MPDZ: variants seen among roughly 807,000 people sequenced by gnomAD.
MPDZ encodes the protein multiple PDZ domain crumbs cell polarity complex component.
In MPDZ, 234 loss-of-function variants were observed where a neutral mutation model predicts 239.1. That is an observed-to-expected ratio of 0.98 (90% CI 0.88 to 1.09). MPDZ has a LOEUF of 1.09. Among genes scored for constraint, MPDZ ranks in the 50% least tolerant of loss-of-function variants. The probability of loss-of-function intolerance (pLI) is 0.00; values close to 1 mark genes in which losing one functional copy is unlikely to be tolerated. For synonymous variants in MPDZ, 1,048 were observed against 881.3 expected (o/e 1.19, Z -3.35); for missense variants, 3,175 against 2,510.0 (o/e 1.26, Z -5.66).
At chr9:13,162,346 T>C (rs558184770) in intron 23 of MPDZ, among the ~76,000 whole-genome samples, 1 of 151,958 alleles carries the variant, frequency 6.6e-6, no homozygotes, top group East Asian at 1.9e-4. Flanking sequence ...AGTTTGCTAA[T>C]ATTAAAAGAG....
rs377489960 is a variant in MPDZ, at chr9:13,138,119, G to A, written c.4038C>T (p.Gly1346=). The change falls in exon 29 of 47, where the codon GGC becomes GGT. Residue 1346 remains glycine, a synonymous_variant. Transcript: ENST00000319217. ...NIRERYGTLT[G]ELHMIELEKG... ...TCTCCAGTTCAATCATATGCAGCTC[G>A]CCTGTTAGGGTTCCATAACGCTCTC... 13 of 1,601,434 alleles carry A rather than the reference G, an allele frequency of 8.1e-6. No homozygotes were observed. Among genetic ancestry groups the A allele is most frequent in the Admixed American group, 3.4e-5 (2 of 58,400 alleles).
chr9:13,246,658 T>C (rs959008875), intron 3 of MPDZ, among the ~76,000 whole-genome samples: 2 of 152,188 alleles, frequency 1.3e-5, no homozygotes, highest in South Asian at 2.1e-4. Flanking sequence ...TTAAACAAAT[T>C]CATTCTCTCT....
intron 39 of MPDZ, among the ~76,000 whole-genome samples, chr9:13,119,080 A>G (rs1054049131): frequency 2.0e-5 from 3 of 152,210 alleles, no homozygotes; most frequent in Non-Finnish European, 4.4e-5. Context: ...CATAAATGAT[A>G]AAATCTTTTC....
intron 1 of MPDZ, among the ~76,000 whole-genome samples, chr9:13,254,120 G>A (rs1968815566): frequency 6.6e-6 from 1 of 152,116 alleles, no homozygotes; most frequent in Admixed American, 6.6e-5. Context: ...TACATAAAGT[G>A]AAACCAAAGG....
intron 43 of MPDZ, among the ~76,000 whole-genome samples, 171 bp downstream of exon 43, chr9:13,111,849 CTTTT>C (rs1419094528): frequency 6.6e-6 from 1 of 152,170 alleles, no homozygotes; most frequent in Non-Finnish European, 1.5e-5. Flanking sequence ...TTTCTCCTTT[CTTTT>C]AATATTCTTT....
intron 13 of MPDZ, among the ~76,000 whole-genome samples, chr9:13,194,755 A>G (rs149797101): frequency 0.016 from 2,364 of 152,220 alleles, 36 homozygotes; most frequent in Non-Finnish European, 0.021. Context: ...GCCTACAACA[A>G]AATGGCTAGT....
chr9:13,188,491 C>G (rs995394592), intron 17 of MPDZ, among the ~76,000 whole-genome samples: 1 of 152,098 alleles, frequency 6.6e-6, no homozygotes, highest in Non-Finnish European at 1.5e-5. Context: ...GCACTCCAGC[C>G]TGAGCAACAG....
intron 27 of MPDZ, among the ~76,000 whole-genome samples, chr9:13,141,650 G>A (rs148411532): frequency 1.8e-4 from 28 of 151,948 alleles, no homozygotes; most frequent in African/African-American, 4.8e-4. Context: ...TGATAAACAC[G>A]CACAAATACT....
chr9:13,256,750 CATA>C (rs529934876), intron 1 of MPDZ, among the ~76,000 whole-genome samples: 2 of 151,930 alleles, frequency 1.3e-5, no homozygotes, highest in East Asian at 1.9e-4. Context: ...CTGTAACAGA[CATA>C]ATAATAATAA....
chr9:13,119,387 G>T, intron 39 of MPDZ, 115 bp downstream of exon 39: 1 of 1,283,568 alleles, frequency 7.8e-7, no homozygotes, highest in Non-Finnish European at 1.1e-6. Flanking sequence ...ACCTGGCCTT[G>T]AGGTGACACT....
At chr9:13,122,679 G>C (rs553451016) in intron 36 of MPDZ, among the ~76,000 whole-genome samples, 8 of 152,126 alleles carry the variant, frequency 5.3e-5, no homozygotes, top group Non-Finnish European at 1.0e-4. Flanking sequence ...ACCATGCCTA[G>C]CTAGTTTTTG....
At chr9:13,133,720 G>C in intron 32 of MPDZ, 104 bp downstream of exon 32, 1 of 722,494 alleles carries the variant, frequency 1.4e-6, no homozygotes, top group Non-Finnish European at 2.3e-6. Context: ...CTCAGATGAT[G>C]CTGATGCTGT....
Position 13,203,769 on chromosome 9 carries a change from CACACAG to C in MPDZ, c.1546+1261_1546+1266del, listed in dbSNP as rs1294383001. Among the ~76,000 whole-genome samples, 322 of 116,186 alleles carry C rather than the reference CACACAG, an allele frequency of 2.8e-3. 2 individuals are homozygous for C. The highest frequency in any genetic ancestry group is 0.019 in the East Asian group (76 of 3,928). The allele number at this position is 116,186 out of a possible 152,430, so 76.2% of individuals were successfully genotyped here. On this transcript the variant is annotated intron_variant, in intron 12 of 46. Transcript: ENST00000319217. The stretch of plus-strand genomic sequence containing the variant: ...ACACACACACACACACACACACACA[CACACAG>C]AGAGAGAAAGAGAGAGAGAGAGGGA...
At chr9:13,237,248 G>A (rs185960429) in intron 3 of MPDZ, among the ~76,000 whole-genome samples, 176 of 150,884 alleles carry the variant, frequency 1.2e-3, no homozygotes, top group Admixed American at 1.9e-3. Context: ...TTCGAGACCC[G>A]CCTGAGCAGC....
At chr9:13,211,279 T>C (rs899733243) in intron 10 of MPDZ, among the ~76,000 whole-genome samples, 3 of 152,086 alleles carry the variant, frequency 2.0e-5, no homozygotes, top group African/African-American at 7.2e-5. Context: ...CCTTCCCCAT[T>C]AAAAATTAAA....
At chr9:13,256,371 TC>T (rs1969441528) in intron 1 of MPDZ, among the ~76,000 whole-genome samples, 1 of 152,216 alleles carries the variant, frequency 6.6e-6, no homozygotes, top group Non-Finnish European at 1.5e-5. Flanking sequence ...CAAGACCTTT[TC>T]CTTTGCATTC....
rs149605575 is a variant in MPDZ at position 13,228,825 on chromosome 9, G to C, written c.184-4242C>G. Among the ~76,000 whole-genome samples the C allele has an allele frequency of 6.1e-4, 93 of 152,122 alleles. 1 individual carries two copies. In the East Asian group the frequency reaches 0.017, roughly 28 times the overall value. On this transcript the variant is annotated intron_variant, in intron 3 of 46. Transcript: ENST00000319217. ...TCATAGAAAAACTTGTCATAAATTTGTATATTATATAATAAAGTTGTGCAA... is the reference window on the plus strand; with the variant it reads ...TCATAGAAAAACTTGTCATAAATTTCTATATTATATAATAAAGTTGTGCAA...
At chr9:13,217,932 T>C (rs914942637) in intron 8 of MPDZ, among the ~76,000 whole-genome samples, 8 of 151,826 alleles carry the variant, frequency 5.3e-5, no homozygotes, top group Admixed American at 5.3e-4. Flanking sequence ...AAATTCTATG[T>C]TGGACTGAAG....
At position 13,190,206 on chromosome 9, in the gene MPDZ, G is replaced by C; in HGVS notation, c.2062C>G (p.Gln688Glu). The C allele has an allele frequency of 6.2e-7, 1 of 1,613,198 alleles. No individual in the cohort carries two copies. Among genetic ancestry groups the C allele is most frequent in the Non-Finnish European group, 8.5e-7 (1 of 1,179,540 alleles). Reference protein sequence around the residue: ...TDAGQSTEEVQAPLAMWEAGI... With the variant: ...TDAGQSTEEVEAPLAMWEAGI... ...GCCTCCCACATGGCCAAAGGTGCTT[G>C]AACCTCTTCTGTACTCTGACCCGCA... The change falls in exon 16 of 47, where the codon CAA becomes GAA. Residue 688 changes from glutamine (Q) to glutamate (E), a missense_variant. By Grantham distance (29) the Gln-to-Glu change is conservative. Coordinates refer to ENST00000319217, the MANE Select transcript of MPDZ (RefSeq NM_001378778.1).
Sources: allele counts gnomAD v4.1 joint callset (sites outside exome capture counted in the v4.1 genomes callset), GRCh38; gene constraint gnomAD v4.1.1; transcripts MANE v1.5; gene names NCBI Gene and HGNC (gene_info 2026-07-23, HGNC 2026-07-21).